Variants in CWC22 observed in about 807,000 individuals in gnomAD.
The protein encoded by CWC22 is CWC22 spliceosome associated protein, also known as pre-mRNA-splicing factor CWC22 homolog.
A neutral mutation model predicts 117.2 loss-of-function variants in CWC22; 53 were observed. The observed-to-expected ratio is 0.45, with a 90% CI of 0.36 to 0.57. The LOEUF is 0.57. CWC22 is among the 20% of genes least tolerant of loss of function. The pLI is 0.00. For synonymous variants in CWC22, 360 were observed against 355.6 expected (o/e 1.01, Z -0.14); for missense variants, 980 against 1,068.8 (o/e 0.92, Z 1.16).
chr2:179,948,075 G>C (rs1166205148), intron 19 of CWC22, among the ~76,000 whole-genome samples: 3 of 152,198 alleles, frequency 2.0e-5, no homozygotes, highest in African/African-American at 7.2e-5. Context: ...GGATAGAGAA[G>C]ACTGTGGCAA....
intron 3 of CWC22, among the ~76,000 whole-genome samples, chr2:179,988,079 A>C (rs545159567): frequency 6.6e-6 from 1 of 152,284 alleles, no homozygotes; most frequent in East Asian, 1.9e-4. Context: ...TCCTATGAGA[A>C]TGGAATGCCA....
At position 179,973,607 on chromosome 2, in the gene CWC22, T is replaced by C. The variant is rs763575922; in HGVS notation, c.750+27A>G. 6.3e-5 allele frequency: 90 copies of C among 1,426,418 alleles called. 1 individual carries two copies. In the Admixed American group the frequency reaches 1.5e-3, roughly 23 times the overall value. 88.4% of individuals were successfully genotyped at this position (1,426,418 alleles called of 1,614,324 possible). On this transcript the variant is annotated intron_variant, in intron 7 of 19. Coordinates refer to ENST00000410053, the MANE Select transcript of CWC22 (RefSeq NM_020943.3). ...TTTGTTAGTTTGTTCCTATGTATCA[T>C]TCTACTTACAAGCCATTCATATATA...
chr2:179,974,670 C>A (rs947959927), intron 6 of CWC22, among the ~76,000 whole-genome samples: 3 of 152,126 alleles, frequency 2.0e-5, no homozygotes, highest in African/African-American at 7.2e-5. Flanking sequence ...AGATCTCTGC[C>A]CACTTTTGAG....
At chr2:179,952,270 A>G (rs1379284238) in intron 17 of CWC22, among the ~76,000 whole-genome samples, 1 of 152,180 alleles carries the variant, frequency 6.6e-6, no homozygotes, top group Non-Finnish European at 1.5e-5. Flanking sequence ...ATTAATTTGA[A>G]CTCCACTTAA....
At chr2:179,965,012 CA>C (rs1302193570) in intron 12 of CWC22, among the ~76,000 whole-genome samples, 2 of 152,182 alleles carry the variant, frequency 1.3e-5, no homozygotes, top group East Asian at 1.9e-4. Context: ...TTGCAGAGAA[CA>C]CTAGATCATC....
intron 1 of CWC22, among the ~76,000 whole-genome samples, chr2:180,006,146 G>C (rs1403120993): frequency 1.3e-5 from 2 of 151,518 alleles, no homozygotes; most frequent in Admixed American, 6.6e-5. Context: ...AACCAAGTTT[G>C]CTTGCTTATC....
Position 179,970,854 on chromosome 2 carries a change from T to C in CWC22, c.943A>G (p.Ile315Val). 6.2e-7 allele frequency: 1 copy of C among 1,612,838 alleles called. No homozygotes were observed. The highest frequency in any genetic ancestry group is 8.5e-7 in the Non-Finnish European group (1 of 1,179,050). Residue 315 changes from isoleucine to valine, a missense_variant and splice_region_variant, in exon 10 of 20, where the codon ATA becomes GTA. Ile to Val is a conservative substitution (Grantham distance 29, BLOSUM62 3). This residue lies in a region of CWC22 where 559 missense variants were observed against 602.3 expected (regional missense o/e 0.93). Transcript: ENST00000410053. ...TQVSPRGINA[I>V]FERLRNILHE... ...AGAATGTTTCGAAGGCGTTCAAATA[T>C]AGCTAAAAGTTAACAGAAAGAAAAG...
At chr2:179,974,750 T>G (rs1406428103) in intron 6 of CWC22, among the ~76,000 whole-genome samples, 1 of 152,060 alleles carries the variant, frequency 6.6e-6, no homozygotes, top group East Asian at 1.9e-4. Flanking sequence ...TACCCCCACC[T>G]TTTTTGGAGA....
At position 179,945,425 on chromosome 2, in the gene CWC22, C is replaced by G; in HGVS notation, c.2431G>C (p.Asp811His). The change falls in exon 20 of 20, where the codon GAT becomes CAT. Residue 811 changes from aspartate (D) to histidine (H), a missense_variant. Around this residue, in one of 3 missense-constraint regions of CWC22, gnomAD observed 306 missense variants for 296.8 expected, o/e 1.03. Transcript: ENST00000410053. The stretch of plus-strand genomic sequence containing the variant: ...GGATCACCATGCTTATTTTCCAAAT[C>G]TATATGCATTTCTTGGTCTCTGTCA... ...ANDRDQEMHIDLENKHGDPKK... is the reference protein window; with the variant it reads ...ANDRDQEMHIHLENKHGDPKK... The G allele has an allele frequency of 6.2e-7, 1 of 1,612,974 alleles. No individual in the cohort carries two copies. The highest frequency in any genetic ancestry group is 8.5e-7 in the Non-Finnish European group (1 of 1,179,338).
intron 1 of CWC22, among the ~76,000 whole-genome samples, chr2:179,997,014 T>C (rs779241809): frequency 9.9e-5 from 15 of 152,116 alleles, no homozygotes; most frequent in South Asian, 4.1e-4. Context: ...GAAATGATGC[T>C]AGATGGAAAC....
In CWC22 at chr2:179,945,096, T is replaced by C. The variant is rs780407677; in HGVS notation, c.*33A>G. ...AAAAATAATTTGTTTCAACTGAATA[T>C]AAGGCATGTCCAGTTTATGTCATTT... is the stretch of plus-strand genomic sequence containing the variant. On this transcript the variant is annotated 3_prime_UTR_variant, in exon 20 of 20. Coordinates refer to ENST00000410053, the MANE Select transcript of CWC22 (RefSeq NM_020943.3). The C allele has an allele frequency of 6.9e-6, 10 of 1,439,722 alleles. No individual in the cohort carries two copies. The highest frequency in any genetic ancestry group is 5.2e-5 in the South Asian group (4 of 76,554). 89.2% of individuals were successfully genotyped at this position (1,439,722 alleles called of 1,614,324 possible).
intron 6 of CWC22, among the ~76,000 whole-genome samples, chr2:179,974,833 G>A (rs1201829162): frequency 2.0e-5 from 3 of 152,090 alleles, no homozygotes; most frequent in African/African-American, 7.2e-5. Context: ...CTCACTGGAA[G>A]CTCTGCCTCC....
chr2:180,004,756 A>C (rs1687930853), intron 1 of CWC22, among the ~76,000 whole-genome samples: 1 of 151,734 alleles, frequency 6.6e-6, no homozygotes, highest in Non-Finnish European at 1.5e-5. Flanking sequence ...AACAGAGCTA[A>C]GAAAGCTGGC....
intron 14 of CWC22, 55 bp downstream of exon 14, chr2:179,958,967 T>C: frequency 9.1e-7 from 1 of 1,104,364 alleles, no homozygotes; most frequent in Non-Finnish European, 1.3e-6. Flanking sequence ...TTAACAGCCT[T>C]AAACATTTTT....
intron 19 of CWC22, among the ~76,000 whole-genome samples, chr2:179,947,409 G>A (rs578095374): frequency 6.6e-6 from 1 of 152,258 alleles, no homozygotes; most frequent in South Asian, 2.1e-4. Context: ...TGTAACAAGA[G>A]GCAATCTCTT....
intron 11 of CWC22, among the ~76,000 whole-genome samples, chr2:179,968,424 A>T (rs1031628263): frequency 1.3e-5 from 2 of 152,124 alleles, no homozygotes; most frequent in Non-Finnish European, 2.9e-5. Flanking sequence ...ACTGCAATAG[A>T]TTGAATGTAG....
chr2:179,968,760 A>C (rs1192440380), intron 11 of CWC22, among the ~76,000 whole-genome samples: 1 of 151,646 alleles, frequency 6.6e-6, no homozygotes, highest in Non-Finnish European at 1.5e-5. Context: ...TAGAGACAGG[A>C]TTTCACCATG....
At position 179,992,871 on chromosome 2, in the gene CWC22, A is replaced by T. The variant is rs142055771; in HGVS notation, c.27+444T>A. The stretch of plus-strand genomic sequence containing the variant: ...ATAAAGAGACCATCCATCTATTCAT[A>T]AGAAATATCCAAGAGGCTCACGTTG... On this transcript the variant is annotated intron_variant, in intron 2 of 19. Coordinates refer to ENST00000410053, the MANE Select transcript of CWC22 (RefSeq NM_020943.3). Among the ~76,000 whole-genome samples, 294 of 152,356 alleles carry T rather than the reference A, an allele frequency of 1.9e-3. 1 individual carries two copies. Among genetic ancestry groups the T allele is most frequent in the African/African-American group, 6.8e-3 (282 of 41,594 alleles).
At chr2:179,956,300 T>C (rs1018573034) in intron 14 of CWC22, among the ~76,000 whole-genome samples, 2 of 151,768 alleles carry the variant, frequency 1.3e-5, no homozygotes, top group East Asian at 1.9e-4. Context: ...CTAGCCATTA[T>C]GGCTAGTGGC....
Sources: allele counts gnomAD v4.1 joint callset (sites outside exome capture counted in the v4.1 genomes callset), GRCh38; gene constraint gnomAD v4.1.1; regional missense constraint gnomAD v4.1.1; transcripts MANE v1.5; gene names NCBI Gene and HGNC (gene_info 2026-07-23, HGNC 2026-07-21).